OR2L13: variants seen among roughly 807,000 people sequenced by gnomAD.
The protein encoded by OR2L13 is olfactory receptor 2L13.
In OR2L13, 14 loss-of-function variants were observed where a neutral mutation model predicts 15.3. The observed-to-expected ratio is 0.91, with a 90% CI of 0.60 to 1.43. OR2L13 has a LOEUF of 1.43. Among genes scored for constraint, OR2L13 ranks in the 40% most tolerant of loss-of-function variants. The pLI is 0.00. For synonymous variants in OR2L13, 152 were observed against 142.9 expected (o/e 1.06, Z -0.45); for missense variants, 367 against 387.9 (o/e 0.95, Z 0.45).
the OR2L13 span, among the ~76,000 whole-genome samples, chr1:247,981,928 G>T: frequency 1.3e-5 from 2 of 151,458 alleles, no homozygotes; most frequent in Admixed American, 1.3e-4. Flanking sequence ...CCATTCTCCT[G>T]CCTCAGCCTC....
chr1:248,021,907 A>G, the OR2L13 span: 1 of 1,515,160 alleles, frequency 6.6e-7, no homozygotes, highest in African/African-American at 1.4e-5. Context: ...TACTTGACTT[A>G]CCCTTGTGTC....
chr1:248,006,200 G>C, the OR2L13 span, among the ~76,000 whole-genome samples: 1 of 151,480 alleles, frequency 6.6e-6, no homozygotes, highest in Non-Finnish European at 1.5e-5. Context: ...TCATACCCCA[G>C]CCACTGCTTG....
chr1:247,939,119 C>T, the OR2L13 span: 1 of 152,174 alleles, frequency 6.6e-6, no homozygotes, highest in Admixed American at 6.5e-5. Context: ...CCACTAGTCT[C>T]TATAGTGCCT....
At chr1:248,084,066 C>T in the OR2L13 span, 1 of 1,610,050 alleles carries the variant, frequency 6.2e-7, no homozygotes, top group Non-Finnish European at 8.5e-7. Flanking sequence ...GGGGGCCTCG[C>T]AGAAGAAGTG....
chr1:248,001,379 G>A, the OR2L13 span, among the ~76,000 whole-genome samples: 2 of 151,516 alleles, frequency 1.3e-5, no homozygotes, highest in Admixed American at 6.6e-5. Context: ...CTGAAATCTC[G>A]ACTACAACTT....
chr1:248,085,661 T>A, the OR2L13 span, among the ~76,000 whole-genome samples: 1 of 152,114 alleles, frequency 6.6e-6, no homozygotes, highest in South Asian at 2.1e-4. Flanking sequence ...ATCATTTCTG[T>A]CATTTTACAT....
the OR2L13 span, among the ~76,000 whole-genome samples, chr1:247,952,007 A>G: frequency 6.6e-6 from 1 of 152,016 alleles, no homozygotes; most frequent in African/African-American, 2.4e-5. Context: ...GCGTGCGCGC[A>G]TGAGAAGACC....
the OR2L13 span, among the ~76,000 whole-genome samples, chr1:248,048,828 G>A: frequency 6.6e-6 from 1 of 151,822 alleles, no homozygotes; most frequent in African/African-American, 2.4e-5. Flanking sequence ...GGATTTGGGA[G>A]ACTTTTAAAA....
the OR2L13 span, among the ~76,000 whole-genome samples, chr1:247,994,498 C>T: frequency 6.6e-6 from 1 of 152,188 alleles, no homozygotes; most frequent in East Asian, 1.9e-4. Flanking sequence ...TCAATCCAGA[C>T]TGGCTCTCAG....
chr1:248,085,761 G>T, the OR2L13 span, among the ~76,000 whole-genome samples: 1 of 152,108 alleles, frequency 6.6e-6, no homozygotes, highest in Admixed American at 6.6e-5. Context: ...TACCAATGGG[G>T]GTTGTGGGAG....
At chr1:247,983,630 G>A in the OR2L13 span, among the ~76,000 whole-genome samples, 3 of 152,096 alleles carry the variant, frequency 2.0e-5, no homozygotes, top group Non-Finnish European at 4.4e-5. Context: ...CTGCTTCCTT[G>A]TTAGTGACAG....
At chr1:248,060,158 T>G in the OR2L13 span, among the ~76,000 whole-genome samples, 27 of 152,326 alleles carry the variant, frequency 1.8e-4, no homozygotes, top group African/African-American at 5.5e-4. Context: ...GCATATGTAT[T>G]CAATATAACA....
At chr1:247,965,335 A>C in the OR2L13 span, 1 of 1,555,954 alleles carries the variant, frequency 6.4e-7, no homozygotes, top group Non-Finnish European at 8.7e-7. Context: ...TTATTACATG[A>C]ACATTTCAGA....
the OR2L13 span, chr1:248,038,532 A>T: frequency 1.9e-6 from 3 of 1,614,180 alleles, no homozygotes; most frequent in Non-Finnish European, 2.5e-6. Context: ...GTATGGAAAC[A>T]AGTCTATCTC....
the OR2L13 span, among the ~76,000 whole-genome samples, chr1:247,937,857 A>C: frequency 5.3e-5 from 8 of 152,266 alleles, no homozygotes; most frequent in Non-Finnish European, 8.8e-5. Flanking sequence ...TAAATATTTA[A>C]CAAAATATGA....
the OR2L13 span, chr1:248,039,998 G>A: frequency 6.6e-6 from 1 of 152,166 alleles, no homozygotes; most frequent in East Asian, 1.9e-4. Context: ...TTGACTTAGT[G>A]GAGTGTGGAG....
the OR2L13 span, among the ~76,000 whole-genome samples, chr1:248,068,135 A>G: frequency 4.6e-5 from 7 of 152,182 alleles, no homozygotes; most frequent in African/African-American, 1.2e-4. Context: ...ACAGCTTTGA[A>G]GAGAGCAGTG....
the OR2L13 span, chr1:247,996,854 CAA>C: frequency 6.6e-6 from 1 of 151,982 alleles, no homozygotes; most frequent in Non-Finnish European, 1.5e-5. Context: ...TTAAACTTGA[CAA>C]AAAAAATTTT....
At chr1:248,054,794 A>G in the OR2L13 span, among the ~76,000 whole-genome samples, 3 of 152,196 alleles carry the variant, frequency 2.0e-5, no homozygotes, top group African/African-American at 7.2e-5. Flanking sequence ...TTGATTTTGT[A>G]TCCTGAGAGT....
Sources: allele counts gnomAD v4.1 joint callset (sites outside exome capture counted in the v4.1 genomes callset), GRCh38; gene constraint gnomAD v4.1.1; transcripts MANE v1.5; gene names NCBI Gene and HGNC (gene_info 2026-07-23, HGNC 2026-07-21).